The following NRG1 variants were observed in gnomAD, a reference collection of about 807,000 sequenced individuals.
NRG1 encodes the protein pro-neuregulin-1, membrane-bound isoform.
In NRG1, 18 loss-of-function variants were observed where a neutral mutation model predicts 63.8. The observed-to-expected ratio is 0.28, with a 90% CI of 0.19 to 0.42. The LOEUF is 0.42. NRG1 is among the 10% of genes least tolerant of loss of function. The pLI, the probability that NRG1 is intolerant of heterozygous loss-of-function variation, is 1.00. For synonymous variants in NRG1, 302 were observed against 301.3 expected, an observed-to-expected ratio of 1.00 and a Z score of -0.02; for missense variants, 762 against 814.7, an observed-to-expected ratio of 0.94 and a Z score of 0.79.
chr8:32,611,262 A>T (rs2129541011), intron 3 of NRG1, among the ~76,000 whole-genome samples: 1 of 152,194 alleles, frequency 6.6e-6, no homozygotes, highest in Admixed American at 6.5e-5. Context: ...TGAGATGAGC[A>T]GAAAAATATT....
At position 31,640,018 on chromosome 8, in the gene NRG1, C is replaced by T; in HGVS notation, c.37+587C>T. 3 of 1,132,184 alleles carry T rather than the reference C, an allele frequency of 2.6e-6. No individual in the cohort carries two copies. Among genetic ancestry groups the T allele is most frequent in the African/African-American group, 3.3e-5 (2 of 60,692 alleles). The allele number at this position is 1,132,184 out of a possible 1,614,324, so 70.1% of individuals were successfully genotyped here. A position where few individuals can be genotyped will look rare whatever the true frequency, so the allele number is the denominator to read the frequency against. The stretch of plus-strand genomic sequence containing the variant: ...GCGACGCGCCCCGCGCCGCTCCGGG[C>T]GTCCCGGCCCCCGGGCCCAGCGCCC... On this transcript the variant is annotated intron_variant, in intron 1 of 10. Transcript: ENST00000519301. This position sits in a 1 kb window ranked among gnomAD's most constrained non-coding sequence, Gnocchi z 6.3.
intron 1 of NRG1, among the ~76,000 whole-genome samples, chr8:32,082,216 T>C (rs144888837): frequency 6.8e-6 from 1 of 147,128 alleles, no homozygotes; most frequent in Non-Finnish European, 1.5e-5. Context: ...TTTTTTTTAA[T>C]TTTTATTTTA....
At chr8:32,018,677 A>G (rs1383361255) in intron 1 of NRG1, among the ~76,000 whole-genome samples, 1 of 152,036 alleles carries the variant, frequency 6.6e-6, no homozygotes, top group African/African-American at 2.4e-5. Context: ...GTTGATGGAG[A>G]TATGGGATGA....
chr8:32,356,128 AG>A (rs1327279788), intron 1 of NRG1, among the ~76,000 whole-genome samples: 4 of 152,214 alleles, frequency 2.6e-5, no homozygotes, highest in Non-Finnish European at 5.9e-5. Flanking sequence ...TAGAGCACTG[AG>A]ATTTGATGAG....
chr8:31,966,446 T>A (rs1032326917), intron 1 of NRG1, among the ~76,000 whole-genome samples: 2 of 152,232 alleles, frequency 1.3e-5, no homozygotes, highest in East Asian at 3.8e-4. Context: ...CATGAAGACA[T>A]TTGATAGTTA....
At chr8:32,395,991 T>C (rs1376032146) in intron 1 of NRG1, among the ~76,000 whole-genome samples, 1 of 152,208 alleles carries the variant, frequency 6.6e-6, no homozygotes, top group Non-Finnish European at 1.5e-5. Context: ...ATAATCTTTT[T>C]TATACTGAGT....
chr8:32,075,707 C>T (rs1449963744), intron 1 of NRG1, among the ~76,000 whole-genome samples: 2 of 113,584 alleles, frequency 1.8e-5, no homozygotes, highest in African/African-American at 7.0e-5. Context: ...GAGTCTCGCT[C>T]TGTCACCCAG....
chr8:32,702,820 A>G (rs1815303599), intron 5 of NRG1, among the ~76,000 whole-genome samples: 2 of 152,052 alleles, frequency 1.3e-5, no homozygotes, highest in African/African-American at 2.4e-5. Flanking sequence ...AGTTCTTAAA[A>G]CTTGAGGAAG....
intron 1 of NRG1, among the ~76,000 whole-genome samples, chr8:32,447,408 C>A (rs545018524): frequency 2.4e-4 from 36 of 152,238 alleles, no homozygotes; most frequent in African/African-American, 6.5e-4. Context: ...TGAAACACTT[C>A]TGCAAAATAA....
chr8:32,334,804 C>T (rs897589643), intron 1 of NRG1, among the ~76,000 whole-genome samples: 2 of 152,136 alleles, frequency 1.3e-5, no homozygotes, highest in Non-Finnish European at 2.9e-5. Context: ...CTACCACAAA[C>T]AAGAAAGATG....
intron 5 of NRG1, among the ~76,000 whole-genome samples, chr8:32,677,685 T>C (rs1055526970): frequency 7.2e-5 from 11 of 151,994 alleles, no homozygotes; most frequent in Admixed American, 3.3e-4. Context: ...TATTCAATCA[T>C]TTATATTTTC....
intron 1 of NRG1, among the ~76,000 whole-genome samples, chr8:31,782,738 A>C (rs1412038217): frequency 6.6e-6 from 1 of 152,190 alleles, no homozygotes; most frequent in East Asian, 1.9e-4. Context: ...TACAAAATTT[A>C]ACGTGCATGT....
intron 1 of NRG1, among the ~76,000 whole-genome samples, chr8:32,076,757 T>G (rs993804722): frequency 1.3e-5 from 2 of 152,194 alleles, no homozygotes; most frequent in African/African-American, 4.8e-5. Flanking sequence ...GATGCGTACT[T>G]TGAGGTACAA....
intron 1 of NRG1, among the ~76,000 whole-genome samples, chr8:31,840,701 A>AT (rs1826118304): frequency 6.6e-6 from 1 of 151,992 alleles, no homozygotes; most frequent in Non-Finnish European, 1.5e-5. Context: ...TCACAGATCC[A>AT]TTTTTCTCTG....
chr8:32,173,844 G>A (rs1303388349), intron 1 of NRG1, among the ~76,000 whole-genome samples: 1 of 152,130 alleles, frequency 6.6e-6, no homozygotes, highest in Non-Finnish European at 1.5e-5. Flanking sequence ...CATAAAGCAA[G>A]TCCTTAGAGA....
chr8:32,723,603 T>C (rs553089312), intron 5 of NRG1, among the ~76,000 whole-genome samples: 11 of 135,474 alleles, frequency 8.1e-5, no homozygotes, highest in Admixed American at 1.7e-4. Context: ...GGCAGGAGAA[T>C]TGCTTGAACC....
chr8:32,698,555 G>C (rs995744887), intron 5 of NRG1, among the ~76,000 whole-genome samples: 1 of 152,190 alleles, frequency 6.6e-6, no homozygotes, highest in Admixed American at 6.5e-5. Context: ...CCAGGCTCAT[G>C]AAAGAGGCGT....
chr8:31,639,729 T>G (rs1452137050), intron 1 of NRG1: 4 of 1,377,764 alleles, frequency 2.9e-6, no homozygotes, highest in Admixed American at 3.4e-5. Context: ...GGCAGCGGTT[T>G]TTTTGCCTTT....
rs1803600195 is a variant in NRG1, at chr8:31,640,172, A to G, written c.37+741A>G. ...GCTCCCGCGGGGGCCTCGGTGTGCT[A>G]CTCGTCCCCGCCCAGCGTGGGATCG... On this transcript the variant is annotated intron_variant, in intron 1 of 10. Coordinates refer to the NRG1 transcript ENST00000519301. The surrounding 1 kb of genome is among the most constrained non-coding windows in gnomAD (Gnocchi z 6.3). The G allele has an allele frequency of 9.3e-6, 11 of 1,184,766 alleles. No individual in the cohort carries two copies. Among genetic ancestry groups the G allele is most frequent in the African/African-American group, 1.6e-5 (1 of 61,440 alleles). 73.4% of individuals were successfully genotyped at this position (1,184,766 alleles called of 1,614,324 possible).
Sources: allele counts gnomAD v4.1 joint callset (sites outside exome capture counted in the v4.1 genomes callset), GRCh38; gene constraint gnomAD v4.1.1; non-coding constraint Gnocchi (gnomAD v3.1); transcripts MANE v1.5; gene names NCBI Gene and HGNC (gene_info 2026-07-23, HGNC 2026-07-21).